The following DPPA5 variants were observed in gnomAD, a reference collection of about 807,000 sequenced individuals.
The protein encoded by DPPA5 is developmental pluripotency associated 5.
Under a neutral mutation model 11.3 loss-of-function variants are expected in DPPA5, and 11 were observed. That is an observed-to-expected ratio of 0.97 (90% CI 0.61 to 1.61). The LOEUF is 1.61. DPPA5 is among the 40% of genes most tolerant of loss of function. The pLI is 0.00. For missense variants in DPPA5, 132 were observed against 151.8 expected (o/e 0.87, Z 0.68); for synonymous variants, 53 against 59.2 (o/e 0.90, Z 0.48).
chr6:73,353,228 G>A lies in DPPA5; in HGVS notation c.*92C>T, dbSNP rs1182041542. 2.0e-6 allele frequency: 3 copies of A among 1,502,234 alleles called. No individual in the cohort carries two copies. The highest frequency in any genetic ancestry group is 4.5e-5 in the East Asian group (2 of 44,318). The allele number at this position is 1,502,234 out of a possible 1,614,324, so 93.1% of individuals were successfully genotyped here. The stretch of plus-strand genomic sequence containing the variant: ...TTTTCCCTTAACTCTTTAGGCTGGA[G>A]CAGATTTTAAAACAAGCTTAAGGAA... On this transcript the variant is annotated 3_prime_UTR_variant, in exon 3 of 3. Coordinates refer to ENST00000370370, the MANE Select transcript of DPPA5 (RefSeq NM_001025290.3).
In DPPA5 at chr6:73,353,371, G is replaced by A; in HGVS notation, c.300C>T (p.Leu100=). The A allele has an allele frequency of 1.2e-6, 2 of 1,614,118 alleles. No individual in the cohort carries two copies. The highest frequency in any genetic ancestry group is 1.7e-6 in the Non-Finnish European group (2 of 1,180,004). The stretch of plus-strand genomic sequence containing the variant: ...GGGCATTCATGGCTTCGGCAAGTTT[G>A]AGCATCCCTGCACCAGAAATAGCAA... ...WHRQRQERGM[L]KLAEAMNALE... The change falls in exon 3 of 3, where the codon CTC becomes CTT. Residue 100 remains leucine, a synonymous_variant. Transcript: ENST00000370370.
Position 73,353,350 on chromosome 6 carries a change from A to G in DPPA5, c.321T>C (p.Asn107=). ...TCATCCAAGGGCCTAGTTCGAGGGC[A>G]TTCATGGCTTCGGCAAGTTTGAGCA... ...RGMLKLAEAM[N]ALELGPWMK Residue 107 remains asparagine (N), a synonymous_variant, in exon 3 of 3, where the codon AAT becomes AAC. Coordinates refer to ENST00000370370, the MANE Select transcript of DPPA5 (RefSeq NM_001025290.3). The G allele has an allele frequency of 6.2e-7, 1 of 1,614,146 alleles. No individual in the cohort carries two copies. Among genetic ancestry groups the G allele is most frequent in the Non-Finnish European group, 8.5e-7 (1 of 1,180,018 alleles).
At chr6:73,353,500 G>T (rs920231581) in intron 2 of DPPA5, 122 bp from the exon 3 acceptor site, 4 of 1,139,452 alleles carry the variant, frequency 3.5e-6, no homozygotes, top group Non-Finnish European at 5.1e-6. Flanking sequence ...GGGCCTGAGA[G>T]TCAGGCCCAG....
At chr6:73,353,819 T>G in intron 2 of DPPA5, 34 bp downstream of exon 2, 1 of 1,607,348 alleles carries the variant, frequency 6.2e-7, no homozygotes, top group African/African-American at 1.3e-5. Flanking sequence ...CCCGCGAGCC[T>G]GTGTTCCGCG....
intron 2 of DPPA5, 145 bp from the exon 3 acceptor site, chr6:73,353,523 C>T: frequency 1.1e-6 from 1 of 920,942 alleles, no homozygotes; most frequent in Non-Finnish European, 1.7e-6. Context: ...CCTTGGAACC[C>T]GAGACTACTC....
intron 2 of DPPA5, among the ~76,000 whole-genome samples, chr6:73,353,647 C>A (rs556823556): frequency 1.7e-4 from 26 of 152,312 alleles, no homozygotes; most frequent in African/African-American, 6.0e-4. Flanking sequence ...TAGTCTCACC[C>A]CTGGGTCTCC....
chr6:73,354,229 A>T lies in DPPA5; in HGVS notation c.-4T>A. ...TACGTGCCGGGAGAGTTCCCATCTT[A>T]TGACCCTCACAACCAAGACCACTCT... On this transcript the variant is annotated 5_prime_UTR_variant, in exon 1 of 3. Coordinates refer to ENST00000370370, the MANE Select transcript of DPPA5 (RefSeq NM_001025290.3). The T allele has an allele frequency of 6.2e-7, 1 of 1,613,842 alleles. No individual in the cohort carries two copies. Among genetic ancestry groups the T allele is most frequent in the South Asian group, 1.1e-5 (1 of 91,076 alleles).
Position 73,353,915 on chromosome 6 carries a change from T to C in DPPA5, c.230A>G (p.Lys77Arg). Residue 77 changes from lysine to arginine, a missense_variant, in exon 2 of 3, where the codon AAG becomes AGG. Physicochemically the swap from Lys to Arg is conservative, Grantham distance 26 (BLOSUM62 2). Coordinates refer to ENST00000370370, the MANE Select transcript of DPPA5 (RefSeq NM_001025290.3). ...EVVVYGSYLY[K>R]LRTKWMLQSM... is the part of the protein sequence containing the mutation. Reference sequence around the variant, plus strand: ...CTGGAGCATCCACTTGGTCCGGAGCTTGTACAAATAGGAGCCGTAAACCAC... The same window carrying C: ...CTGGAGCATCCACTTGGTCCGGAGCCTGTACAAATAGGAGCCGTAAACCAC... 1 of 1,614,072 alleles carries C rather than the reference T, an allele frequency of 6.2e-7. No individual in the cohort carries two copies. The highest frequency in any genetic ancestry group is 8.5e-7 in the Non-Finnish European group (1 of 1,179,990).
rs1166303145 is a variant in DPPA5, at chr6:73,354,163, T to C, written c.63A>G (p.Lys21=). The change falls in exon 1 of 3, where the codon AAA becomes AAG. Residue 21 remains lysine (K), a synonymous_variant. Transcript: ENST00000370370. ...PPWVKVPEDL[K]DPEVFQVQTR... is the part of the protein sequence containing the mutation. The stretch of plus-strand genomic sequence containing the variant: ...TCTGGACCTGGAACACCTCTGGATC[T>C]TTCAGGTCTTCGGGAACTTTCACCC... 2.5e-6 allele frequency: 4 copies of C among 1,614,236 alleles called. No individual in the cohort carries two copies. Among genetic ancestry groups the C allele is most frequent in the Non-Finnish European group, 3.4e-6 (4 of 1,180,040 alleles).
At chr6:73,353,736 T>G in intron 2 of DPPA5, 117 bp downstream of exon 2, 1 of 1,358,180 alleles carries the variant, frequency 7.4e-7, no homozygotes, top group Non-Finnish European at 9.8e-7. Flanking sequence ...GCACCCCTGG[T>G]GACGCCCAAG....
Position 73,354,034 on chromosome 6 carries a change from T to A in DPPA5, c.113-2A>T, listed in dbSNP as rs773451833. 2 of 1,613,684 alleles carry A rather than the reference T, an allele frequency of 1.2e-6. No individual in the cohort carries two copies. Among genetic ancestry groups the A allele is most frequent in the Non-Finnish European group, 1.7e-6 (2 of 1,179,676 alleles). ...AAGGGATTCGAGATCCGTCCGGGCC[T>A]GTTGGGGAAAAGAGATGAGATCCCC... On this transcript the variant is annotated splice_acceptor_variant, in intron 1 of 2. Transcript: ENST00000370370. LOFTEE classifies it high-confidence loss of function.
chr6:73,353,729 C>T, intron 2 of DPPA5, 124 bp downstream of exon 2: 1 of 1,321,750 alleles, frequency 7.6e-7, no homozygotes, highest in Non-Finnish European at 1.0e-6. Context: ...GCCAAGGGCA[C>T]CCCTGGTGAC....
Position 73,353,156 on chromosome 6 carries a change from G to T in DPPA5, c.*164C>A. The T allele has an allele frequency of 3.0e-6, 2 of 677,914 alleles. No homozygotes were observed. Among genetic ancestry groups the T allele is most frequent in the Non-Finnish European group, 5.0e-6 (2 of 398,866 alleles). 42.0% of individuals were successfully genotyped at this position (677,914 alleles called of 1,614,324 possible). On this transcript the variant is annotated 3_prime_UTR_variant, in exon 3 of 3. Transcript: ENST00000370370. Reference sequence around the variant, plus strand: ...ATCATCAAAGAAATATTCACAACAAGACTCAGAGCCAAGGGTTTTCCCTTA... The same window carrying T: ...ATCATCAAAGAAATATTCACAACAATACTCAGAGCCAAGGGTTTTCCCTTA...
In DPPA5 at chr6:73,353,953, G is replaced by A. The variant is rs1252290620; in HGVS notation, c.192C>T (p.Asp64=). 5 of 1,614,056 alleles carry A rather than the reference G, an allele frequency of 3.1e-6. No individual in the cohort carries two copies. The highest frequency in any genetic ancestry group is 4.2e-6 in the Non-Finnish European group (5 of 1,180,044). ...MLELKALESS[D]LTEVVVYGSY... Reference sequence around the variant, plus strand: ...AGCCGTAAACCACGACCTCGGTGAGGTCTGAAGACTCCAGAGCCTTCAGCT... The same window carrying A: ...AGCCGTAAACCACGACCTCGGTGAGATCTGAAGACTCCAGAGCCTTCAGCT... The change falls in exon 2 of 3, where the codon GAC becomes GAT. Residue 64 remains aspartate (D), a synonymous_variant. Coordinates refer to ENST00000370370, the MANE Select transcript of DPPA5 (RefSeq NM_001025290.3).
chr6:73,354,105 C>A lies in DPPA5; in HGVS notation c.112+9G>T. The A allele has an allele frequency of 6.2e-7, 1 of 1,614,166 alleles. No homozygotes were observed. The stretch of plus-strand genomic sequence containing the variant: ...GCCGGGGCAGCCCGCCAGTACTGGG[C>A]ACACTCACCGAAAATGGCTTTCAGC... On this transcript the variant is annotated intron_variant, in intron 1 of 2. Transcript: ENST00000370370.
In DPPA5 at chr6:73,353,065, A is replaced by G; in HGVS notation, c.*255T>C. ...AATCCATCAACCACACTGAACTATCAACTTATTTAAAACTTTATTGTTATT... is the reference window on the plus strand; with the variant it reads ...AATCCATCAACCACACTGAACTATCGACTTATTTAAAACTTTATTGTTATT... On this transcript the variant is annotated 3_prime_UTR_variant, in exon 3 of 3. Transcript: ENST00000370370. 1 of 474,846 alleles carries G rather than the reference A, an allele frequency of 2.1e-6. No homozygotes were observed. Among genetic ancestry groups the G allele is most frequent in the South Asian group, 2.5e-5 (1 of 40,608 alleles). The allele number at this position is 474,846 out of a possible 1,614,324, so 29.4% of individuals were successfully genotyped here. A position where few individuals can be genotyped will look rare whatever the true frequency, so the allele number is the denominator to read the frequency against.
In DPPA5 at chr6:73,354,051, G is replaced by A; in HGVS notation, c.113-19C>T. On this transcript the variant is annotated intron_variant, in intron 1 of 2. Transcript: ENST00000370370. ...TCCGGGCCTGTTGGGGAAAAGAGAT[G>A]AGATCCCCGGGCCGGCTGAGACTCC... 2 of 1,613,776 alleles carry A rather than the reference G, an allele frequency of 1.2e-6. No individual in the cohort carries two copies. Among genetic ancestry groups the A allele is most frequent in the Non-Finnish European group, 8.5e-7 (1 of 1,179,698 alleles).
chr6:73,354,136 C>T lies in DPPA5; in HGVS notation c.90G>A (p.Thr30=), dbSNP rs748736595. Residue 30 remains threonine (T), a synonymous_variant, in exon 1 of 3, where the codon ACG becomes ACA. Transcript: ENST00000370370. The stretch of plus-strand genomic sequence containing the variant: ...CACCGAAAATGGCTTTCAGCAGCCG[C>T]GTCTGGACCTGGAACACCTCTGGAT... ...LKDPEVFQVQ[T]RLLKAIFGPD... is the part of the protein sequence containing the mutation. 20 of 1,614,112 alleles carry T rather than the reference C, an allele frequency of 1.2e-5. No individual in the cohort carries two copies. In the Admixed American group the frequency reaches 1.5e-4, roughly 12 times the overall value.
In DPPA5 at chr6:73,353,370, T is replaced by G. The variant is rs1392564494; in HGVS notation, c.301A>C (p.Lys101Gln). The G allele has an allele frequency of 1.3e-5, 21 of 1,614,156 alleles. No homozygotes were observed. The highest frequency in any genetic ancestry group is 1.8e-5 in the Non-Finnish European group (21 of 1,180,014). ...HRQRQERGML[K>Q]LAEAMNALEL... ...AGGGCATTCATGGCTTCGGCAAGTTTGAGCATCCCTGCACCAGAAATAGCA... is the reference window on the plus strand; with the variant it reads ...AGGGCATTCATGGCTTCGGCAAGTTGGAGCATCCCTGCACCAGAAATAGCA... The change falls in exon 3 of 3, where the codon AAA becomes CAA. Residue 101 changes from lysine (K) to glutamine (Q), a missense_variant. By Grantham distance (53) the Lys-to-Gln change is moderately conservative. Coordinates refer to ENST00000370370, the MANE Select transcript of DPPA5 (RefSeq NM_001025290.3).
Sources: gnomAD v4.1 joint callset for allele counts (sites outside exome capture counted in the v4.1 genomes callset) on GRCh38, gnomAD v4.1.1 for gene constraint, MANE v1.5 for transcripts, NCBI Gene and HGNC (gene_info 2026-07-23, HGNC 2026-07-21) for gene names.